ATOSA: variants seen among roughly 807,000 people sequenced by gnomAD.
The protein encoded by ATOSA is atos homolog protein A.
chr15:52,621,013 C>A, the ATOSA span, among the ~76,000 whole-genome samples: 1 of 152,110 alleles, frequency 6.6e-6, no homozygotes, highest in Non-Finnish European at 1.5e-5. Context: ...AAAAATTCTC[C>A]TTCTATGAAT....
chr15:52,610,985 A>C, the ATOSA span: 1 of 926,386 alleles, frequency 1.1e-6, no homozygotes, highest in Non-Finnish European at 1.6e-6. Flanking sequence ...AAATCTCTCT[A>C]ACTTGTTTTG....
the ATOSA span, among the ~76,000 whole-genome samples, chr15:52,672,573 G>A: frequency 1.3e-5 from 2 of 151,266 alleles, no homozygotes; most frequent in Non-Finnish European, 2.9e-5. Flanking sequence ...GCCTCAAAAA[G>A]GGTGAAAACA....
chr15:52,668,489 C>A, the ATOSA span, among the ~76,000 whole-genome samples: 1 of 152,156 alleles, frequency 6.6e-6, no homozygotes, highest in Non-Finnish European at 1.5e-5. Flanking sequence ...TGTTCTACTG[C>A]ATAGTAGGAT....
At chr15:52,672,607 G>A in the ATOSA span, among the ~76,000 whole-genome samples, 2 of 151,858 alleles carry the variant, frequency 1.3e-5, no homozygotes, top group African/African-American at 2.4e-5. Context: ...ATCCAAAGGC[G>A]AGAAAGGCAA....
At chr15:52,596,007 G>A in the ATOSA span, among the ~76,000 whole-genome samples, 6 of 152,178 alleles carry the variant, frequency 3.9e-5, no homozygotes, top group East Asian at 1.2e-3. Context: ...CTAGCTACTT[G>A]GGAGGCTGAG....
chr15:52,641,439 T>C, the ATOSA span, among the ~76,000 whole-genome samples: 1 of 152,168 alleles, frequency 6.6e-6, no homozygotes, highest in Non-Finnish European at 1.5e-5. Flanking sequence ...GGAGCAATGA[T>C]GGGGAGGGTA....
chr15:52,691,560 G>C, the ATOSA span, among the ~76,000 whole-genome samples: 1 of 152,176 alleles, frequency 6.6e-6, no homozygotes, highest in Non-Finnish European at 1.5e-5. Flanking sequence ...AACCCAAATA[G>C]ATTGATCATC....
the ATOSA span, among the ~76,000 whole-genome samples, chr15:52,693,301 T>A: frequency 6.6e-6 from 1 of 152,078 alleles, no homozygotes; most frequent in Non-Finnish European, 1.5e-5. Context: ...ATACCTGTAA[T>A]CTCAGCTACT....
the ATOSA span, chr15:52,613,522 G>A: frequency 1.1e-6 from 1 of 912,234 alleles, no homozygotes; most frequent in South Asian, 1.8e-5. Context: ...AAGGTTATTA[G>A]CTATGGTCCA....
the ATOSA span, chr15:52,679,343 C>G: frequency 6.5e-6 from 1 of 154,132 alleles, no homozygotes; most frequent in Admixed American, 6.5e-5. Context: ...CCCCGTCCCC[C>G]TCGCTCGGCC....
chr15:52,683,147 T>A, the ATOSA span, among the ~76,000 whole-genome samples: 1 of 152,340 alleles, frequency 6.6e-6, no homozygotes, highest in South Asian at 2.1e-4. Flanking sequence ...CCACCAAGAC[T>A]TAATGTCTTT....
the ATOSA span, chr15:52,581,935 A>G: frequency 7.5e-6 from 3 of 400,062 alleles, no homozygotes; most frequent in Non-Finnish European, 1.3e-5. Context: ...AACATGTCCA[A>G]TGAAGTGGTT....
At chr15:52,680,143 TTTG>T in the ATOSA span, among the ~76,000 whole-genome samples, 2 of 152,066 alleles carry the variant, frequency 1.3e-5, no homozygotes, top group South Asian at 4.1e-4. Context: ...GAGCTGTAAT[TTTG>T]TTGTTGTGCT....
chr15:52,652,165 C>T, the ATOSA span: 1 of 924,610 alleles, frequency 1.1e-6, no homozygotes, highest in East Asian at 3.2e-5. Flanking sequence ...GTCTACTTGG[C>T]AGCACTGTCA....
the ATOSA span, chr15:52,678,099 G>A: frequency 1.3e-6 from 2 of 1,537,280 alleles, no homozygotes; most frequent in Non-Finnish European, 1.8e-6. Context: ...CTGATTCTAC[G>A]GCTTCTGCTT....
the ATOSA span, among the ~76,000 whole-genome samples, chr15:52,604,237 C>T: frequency 6.6e-6 from 1 of 152,158 alleles, no homozygotes; most frequent in South Asian, 2.1e-4. Context: ...CTGGCTAACA[C>T]GGTGAAACCC....
At chr15:52,694,548 A>T in the ATOSA span, among the ~76,000 whole-genome samples, 68 of 152,122 alleles carry the variant, frequency 4.5e-4, no homozygotes, top group Non-Finnish European at 6.2e-4. Flanking sequence ...AATTCCTGAA[A>T]ATTTGCTGGG....
the ATOSA span, chr15:52,584,787 C>T: frequency 2.0e-5 from 32 of 1,613,500 alleles, no homozygotes; most frequent in South Asian, 9.9e-5. Flanking sequence ...TTCTGTGTGT[C>T]GGATGTTCTC....
the ATOSA span, among the ~76,000 whole-genome samples, chr15:52,698,967 A>G: frequency 6.6e-6 from 1 of 152,246 alleles, no homozygotes; most frequent in East Asian, 1.9e-4. Context: ...AATGGTTTTA[A>G]TATAGTCCAG....
Sources: gnomAD v4.1 joint callset for allele counts (sites outside exome capture counted in the v4.1 genomes callset) on GRCh38, gnomAD v4.1.1 for gene constraint, MANE v1.5 for transcripts, NCBI Gene and HGNC (gene_info 2026-07-23, HGNC 2026-07-21) for gene names.